Variants in SGMS1 observed in about 807,000 individuals in gnomAD.
SGMS1 encodes the protein phosphatidylcholine:ceramide cholinephosphotransferase 1.
In SGMS1, 13 loss-of-function variants were observed where a neutral mutation model predicts 46.2. That is an observed-to-expected ratio of 0.28 (90% CI 0.18 to 0.45). SGMS1 has a LOEUF of 0.45. Among genes scored for constraint, SGMS1 ranks in the 20% least tolerant of loss-of-function variants. The pLI is 1.00. For synonymous variants in SGMS1, 203 were observed against 187.8 expected, an observed-to-expected ratio of 1.08 and a Z score of -0.66; for missense variants, 324 against 519.9, an observed-to-expected ratio of 0.62 and a Z score of 3.66.
chr10:50,538,284 C>T (rs1230475075), intron 2 of SGMS1, among the ~76,000 whole-genome samples: 3 of 151,576 alleles, frequency 2.0e-5, no homozygotes, highest in East Asian at 3.9e-4. Context: ...GGTGAAACCC[C>T]GTCTCTACTA....
intron 6 of SGMS1, among the ~76,000 whole-genome samples, chr10:50,367,352 T>A (rs1242108745): frequency 2.0e-5 from 3 of 152,160 alleles, no homozygotes; most frequent in Non-Finnish European, 4.4e-5. Flanking sequence ...CAAAATAAAT[T>A]TCTAATACTT....
At chr10:50,540,962 T>C (rs1838046783) in intron 2 of SGMS1, among the ~76,000 whole-genome samples, 3 of 151,956 alleles carry the variant, frequency 2.0e-5, no homozygotes, top group Admixed American at 2.0e-4. Context: ...GAGATACTTT[T>C]TGGAGGCAGA....
intron 6 of SGMS1, among the ~76,000 whole-genome samples, chr10:50,431,754 T>C (rs1209772133): frequency 6.6e-6 from 1 of 152,192 alleles, no homozygotes; most frequent in Non-Finnish European, 1.5e-5. Flanking sequence ...TCCTGACTAC[T>C]TGTCTCTGTA....
intron 1 of SGMS1, among the ~76,000 whole-genome samples, chr10:50,621,328 A>G (rs1838848056): frequency 6.6e-6 from 1 of 152,202 alleles, no homozygotes; most frequent in Non-Finnish European, 1.5e-5. Flanking sequence ...TTAACCAGAA[A>G]AGTAAAAGAA....
chr10:50,415,163 A>G (rs1006508103), intron 6 of SGMS1, among the ~76,000 whole-genome samples: 2 of 152,238 alleles, frequency 1.3e-5, no homozygotes, highest in African/African-American at 4.8e-5. Context: ...CAGACATTGC[A>G]TATCTATGGC....
chr10:50,400,020 C>T (rs1848909515), intron 6 of SGMS1, among the ~76,000 whole-genome samples: 1 of 142,696 alleles, frequency 7.0e-6, no homozygotes, highest in African/African-American at 2.6e-5. Context: ...CACAGTGAGA[C>T]TCCTTCTCAA....
At chr10:50,381,010 T>C (rs1208595677) in intron 6 of SGMS1, among the ~76,000 whole-genome samples, 147 of 147,252 alleles carry the variant, frequency 1.0e-3, no homozygotes, top group African/African-American at 3.0e-3. Flanking sequence ...TTTTTTTTTT[T>C]CCCAGAGATG....
chr10:50,551,307 T>C (rs937876794), intron 2 of SGMS1, among the ~76,000 whole-genome samples: 1 of 151,476 alleles, frequency 6.6e-6, no homozygotes, highest in Non-Finnish European at 1.5e-5. Flanking sequence ...TAGAAAAGCA[T>C]CAGACAAATC....
chr10:50,357,007 T>A (rs1392140953), intron 6 of SGMS1, among the ~76,000 whole-genome samples: 6 of 151,788 alleles, frequency 4.0e-5, no homozygotes, highest in African/African-American at 1.5e-4. Flanking sequence ...CACACCAACA[T>A]GGCACATGTA....
intron 8 of SGMS1, among the ~76,000 whole-genome samples, chr10:50,327,002 T>TAGAACACATAC (rs1554923140): frequency 2.2e-5 from 1 of 44,692 alleles, no homozygotes; most frequent in African/African-American, 2.0e-4. Context: ...CCAACACACA[T>TAGAACACATAC]TTCCCCAGTT....
rs113861537 is a variant in SGMS1 at position 50,380,611 on chromosome 10, G to A, written c.-231-36266C>T. Among the ~76,000 whole-genome samples, 1,413 of 152,170 alleles carry A rather than the reference G, an allele frequency of 9.3e-3. 24 individuals carry two copies. Among genetic ancestry groups the A allele is most frequent in the African/African-American group, 0.031 (1,282 of 41,502 alleles). ...TCCATGCCACTGCCTACCTGGCTTC[G>A]TCCTGCTGCCAGCGGAGTGCCAAAG... On this transcript the variant is annotated intron_variant, in intron 6 of 10. Transcript: ENST00000361781.
intron 1 of SGMS1, among the ~76,000 whole-genome samples, chr10:50,608,465 A>T (rs766551322): frequency 2.6e-5 from 4 of 152,216 alleles, no homozygotes; most frequent in Non-Finnish European, 4.4e-5. Flanking sequence ...CGGTCAGCAC[A>T]GGCTGTACAC....
At chr10:50,593,231 C>G (rs1838559482) in intron 1 of SGMS1, among the ~76,000 whole-genome samples, 1 of 152,202 alleles carries the variant, frequency 6.6e-6, no homozygotes, top group Non-Finnish European at 1.5e-5. Context: ...ATCCTTCAGC[C>G]TCAGTCAAGC....
At position 50,485,204 on chromosome 10, in the gene SGMS1, G is replaced by C. The variant is rs137896056; in HGVS notation, c.-497-18272C>G. Among the ~76,000 whole-genome samples the C allele has an allele frequency of 2.7e-3, 414 of 152,202 alleles. 3 individuals are homozygous for C. Among genetic ancestry groups the C allele is most frequent in the African/African-American group, 8.7e-3 (360 of 41,526 alleles). On this transcript the variant is annotated intron_variant, in intron 3 of 10. Coordinates refer to ENST00000361781, the MANE Select transcript of SGMS1 (RefSeq NM_147156.4). ...ATAAGCAACTTCAGCAAAATCTCAG[G>C]ATACAAAATCAATGTCTAAAAGTCG...
At chr10:50,532,170 G>C (rs1167395368) in intron 2 of SGMS1, among the ~76,000 whole-genome samples, 1 of 151,606 alleles carries the variant, frequency 6.6e-6, no homozygotes, top group African/African-American at 2.4e-5. Context: ...TCAGTTCCCA[G>C]AGATATGTCC....
At chr10:50,579,990 A>G (rs1838418232) in intron 2 of SGMS1, among the ~76,000 whole-genome samples, 1 of 152,198 alleles carries the variant, frequency 6.6e-6, no homozygotes, top group Non-Finnish European at 1.5e-5. Flanking sequence ...ATTAAGAGGA[A>G]ATTTACATAG....
intron 9 of SGMS1, among the ~76,000 whole-genome samples, chr10:50,309,803 C>T (rs769154237): frequency 2.0e-5 from 3 of 152,112 alleles, no homozygotes. Context: ...AACTAGGTTT[C>T]GACCCAGTCC....
Position 50,402,296 on chromosome 10 carries a change from T to G in SGMS1, c.-232+31180A>C, listed in dbSNP as rs185554248. 3.3e-5 allele frequency among the ~76,000 whole-genome samples: 5 copies of G among 152,346 alleles called. No homozygotes were observed. The East Asian group carries it at 9.6e-4, about 29-fold the overall frequency. ...AGTAACAGAAGTCAAAGCTTAGCAT[T>G]AGCTTTTTCAAAAATTAATCTATCT... On this transcript the variant is annotated intron_variant, in intron 6 of 10. Coordinates refer to ENST00000361781, the MANE Select transcript of SGMS1 (RefSeq NM_147156.4).
At chr10:50,504,321 A>T (rs188203344) in intron 3 of SGMS1, among the ~76,000 whole-genome samples, 33 of 152,352 alleles carry the variant, frequency 2.2e-4, no homozygotes, top group Admixed American at 2.1e-3. Flanking sequence ...TCTTAAGCTT[A>T]GGTAAGTTTG....
Sources: gnomAD v4.1 joint callset for allele counts (sites outside exome capture counted in the v4.1 genomes callset) on GRCh38, gnomAD v4.1.1 for gene constraint, MANE v1.5 for transcripts, NCBI Gene and HGNC (gene_info 2026-07-23, HGNC 2026-07-21) for gene names.